The following NR6A1 variants were observed in gnomAD, a reference collection of about 807,000 sequenced individuals.
NR6A1 encodes the protein nuclear receptor subfamily 6 group A member 1.
Under a neutral mutation model 59.1 loss-of-function variants are expected in NR6A1, and 7 were observed. The observed-to-expected ratio is 0.12, with a 90% CI of 0.07 to 0.22. The LOEUF (loss-of-function observed/expected upper bound fraction) is 0.22. Ranked by LOEUF, NR6A1 falls within the 10% of genes least tolerant of loss-of-function variation. NR6A1 has a pLI of 1.00. For missense variants in NR6A1, 468 were observed against 611.6 expected, an observed-to-expected ratio of 0.77 and a Z score of 2.48; for synonymous variants, 243 against 236.1, an observed-to-expected ratio of 1.03 and a Z score of -0.27.
intron 3 of NR6A1, among the ~76,000 whole-genome samples, chr9:124,550,559 T>C (rs1833748642): frequency 6.6e-6 from 1 of 151,888 alleles, no homozygotes; most frequent in African/African-American, 2.4e-5. Context: ...GGTTTCAGCA[T>C]GATACCAAGG....
intron 2 of NR6A1, among the ~76,000 whole-genome samples, chr9:124,638,869 A>T (rs959931566): frequency 6.6e-6 from 1 of 152,200 alleles, no homozygotes; most frequent in African/African-American, 2.4e-5. Context: ...CCCTTAAGTG[A>T]AATATAATTA....
At chr9:124,633,674 G>A (rs888871846) in intron 2 of NR6A1, among the ~76,000 whole-genome samples, 1 of 152,156 alleles carries the variant, frequency 6.6e-6, no homozygotes, top group Non-Finnish European at 1.5e-5. Context: ...CTAAATTGTG[G>A]AGGCAAGGTC....
At chr9:124,609,059 G>A (rs1032918279) in intron 2 of NR6A1, among the ~76,000 whole-genome samples, 7 of 151,930 alleles carry the variant, frequency 4.6e-5, no homozygotes, top group South Asian at 2.1e-4. Context: ...GATGGATTGC[G>A]AAAATTTTCT....
chr9:124,544,070 G>A (rs578181324), intron 3 of NR6A1, among the ~76,000 whole-genome samples: 90 of 152,322 alleles, frequency 5.9e-4, no homozygotes, highest in South Asian at 2.1e-3. Flanking sequence ...AAGGCATTGC[G>A]TACATACTAC....
chr9:124,711,063 C>CATAG (rs985635685), intron 2 of NR6A1, among the ~76,000 whole-genome samples: 1 of 151,932 alleles, frequency 6.6e-6, no homozygotes, highest in African/African-American at 2.4e-5. Flanking sequence ...TGTTAAAGCG[C>CATAG]ATCTATCATC....
intron 2 of NR6A1, among the ~76,000 whole-genome samples, chr9:124,583,963 C>T (rs557031170): frequency 6.6e-6 from 1 of 152,248 alleles, no homozygotes; most frequent in South Asian, 2.1e-4. Context: ...GGGTATATCA[C>T]AGGGCAGGGA....
intron 1 of NR6A1, among the ~76,000 whole-genome samples, chr9:124,757,951 C>G (rs1160492981): frequency 6.6e-6 from 1 of 152,166 alleles, no homozygotes; most frequent in Non-Finnish European, 1.5e-5. Context: ...GTACGAAAAG[C>G]AAACTTATTT....
intron 2 of NR6A1, among the ~76,000 whole-genome samples, chr9:124,642,588 C>T (rs912928395): frequency 6.6e-6 from 1 of 152,098 alleles, no homozygotes; most frequent in Non-Finnish European, 1.5e-5. Flanking sequence ...TATCCCCTGT[C>T]GTGACAACCA....
chr9:124,627,341 T>C (rs557286021), intron 2 of NR6A1, among the ~76,000 whole-genome samples: 1 of 152,198 alleles, frequency 6.6e-6, no homozygotes, highest in African/African-American at 2.4e-5. Flanking sequence ...AACAGAAAAG[T>C]GGCAGTGATT....
At chr9:124,584,356 C>T (rs146525664) in intron 2 of NR6A1, among the ~76,000 whole-genome samples, 1,564 of 152,194 alleles carry the variant, frequency 0.01, 24 homozygotes, top group African/African-American at 0.036. Flanking sequence ...CTGCCCTCCT[C>T]GGCCTCCCAA....
intron 1 of NR6A1, among the ~76,000 whole-genome samples, chr9:124,769,243 T>C (rs567902245): frequency 9.3e-6 from 1 of 107,458 alleles, no homozygotes; most frequent in Non-Finnish European, 1.8e-5. Context: ...TCATACATCA[T>C]ACACAAATTA....
intron 2 of NR6A1, among the ~76,000 whole-genome samples, chr9:124,608,416 G>A (rs1247535538): frequency 1.3e-5 from 2 of 152,058 alleles, no homozygotes; most frequent in African/African-American, 4.8e-5. Context: ...TCCTATGTTA[G>A]TTTGCTGAGG....
At chr9:124,697,271 T>C (rs75982705) in intron 2 of NR6A1, among the ~76,000 whole-genome samples, 1,666 of 152,300 alleles carry the variant, frequency 0.011, 27 homozygotes, top group African/African-American at 0.036. Flanking sequence ...GGACACCTAG[T>C]GTATACCTGG....
chr9:124,612,417 T>C (rs945388651), intron 2 of NR6A1, among the ~76,000 whole-genome samples: 2 of 152,194 alleles, frequency 1.3e-5, no homozygotes, highest in South Asian at 2.1e-4. Flanking sequence ...CAATGACTTC[T>C]AGAAAATGCT....
chr9:124,766,846 A>G (rs927895966), intron 1 of NR6A1, among the ~76,000 whole-genome samples: 4 of 152,254 alleles, frequency 2.6e-5, no homozygotes, highest in Non-Finnish European at 4.4e-5. Flanking sequence ...AACACAATTC[A>G]TTAACAAACC....
chr9:124,685,860 T>C (rs1389546704), intron 2 of NR6A1, among the ~76,000 whole-genome samples: 4 of 152,210 alleles, frequency 2.6e-5, no homozygotes, highest in East Asian at 1.9e-4. Context: ...CAAGTATCAA[T>C]AGTTTGCCCA....
intron 2 of NR6A1, among the ~76,000 whole-genome samples, chr9:124,729,628 T>C (rs988663528): frequency 6.6e-5 from 10 of 152,124 alleles, no homozygotes; most frequent in Non-Finnish European, 1.5e-4. Flanking sequence ...GGAATTAACA[T>C]AGGAGATGTT....
chr9:124,629,840 T>C (rs994208998), intron 2 of NR6A1, among the ~76,000 whole-genome samples: 1 of 152,216 alleles, frequency 6.6e-6, no homozygotes, highest in Non-Finnish European at 1.5e-5. Context: ...TTTTTTAAAA[T>C]AGTCACCAGC....
intron 1 of NR6A1, 132 bp downstream of exon 1, chr9:124,770,888 G>A: frequency 2.2e-6 from 1 of 451,150 alleles, no homozygotes; most frequent in East Asian, 3.6e-5. Context: ...ACGGGGTGAA[G>A]GGCCACCCTA....
Sources: allele counts gnomAD v4.1 joint callset (sites outside exome capture counted in the v4.1 genomes callset), GRCh38; gene constraint gnomAD v4.1.1; transcripts MANE v1.5; gene names NCBI Gene and HGNC (gene_info 2026-07-23, HGNC 2026-07-21).